SLC24A4: variants seen among roughly 807,000 people sequenced by gnomAD.
SLC24A4 encodes the protein solute carrier family 24 member 4.
Under a neutral mutation model 79.0 loss-of-function variants are expected in SLC24A4, and 53 were observed. The observed-to-expected ratio is 0.67, with a 90% confidence interval of 0.54 to 0.84. The LOEUF is 0.84. Ranked by LOEUF, SLC24A4 falls within the 40% of genes least tolerant of loss-of-function variation. The pLI is 0.00. For missense variants in SLC24A4, 731 were observed against 822.0 expected, an observed-to-expected ratio of 0.89 and a Z score of 1.35; for synonymous variants, 323 against 323.8, an observed-to-expected ratio of 1.00 and a Z score of 0.03.
chr14:92,456,633 T>C, intron 12 of SLC24A4, 25 bp downstream of exon 12: 1 of 1,607,100 alleles, frequency 6.2e-7, no homozygotes, highest in Non-Finnish European at 8.5e-7. Context: ...TACTGGACTC[T>C]CGGGCTACAT....
At chr14:92,388,611 A>G (rs1191103608) in intron 2 of SLC24A4, among the ~76,000 whole-genome samples, 1 of 152,080 alleles carries the variant, frequency 6.6e-6, no homozygotes, top group Non-Finnish European at 1.5e-5. Flanking sequence ...GTGCATTTGT[A>G]TAGTTGTGGG....
intron 2 of SLC24A4, among the ~76,000 whole-genome samples, chr14:92,427,535 C>T (rs890696431): frequency 2.0e-5 from 3 of 152,192 alleles, no homozygotes; most frequent in Admixed American, 6.5e-5. Context: ...CTGGGGACAC[C>T]AGTTACGGGT....
chr14:92,473,714 G>C (rs1235875149), intron 12 of SLC24A4, among the ~76,000 whole-genome samples: 4 of 152,164 alleles, frequency 2.6e-5, no homozygotes, highest in African/African-American at 9.7e-5. Flanking sequence ...CTCTGTCCCT[G>C]ATTCATCTCC....
At position 92,380,425 on chromosome 14, in the gene SLC24A4, G is replaced by GT. The variant is rs537321815; in HGVS notation, c.242-53482dup. 3.4e-3 allele frequency among the ~76,000 whole-genome samples: 511 copies of GT among 152,256 alleles called. 4 individuals are homozygous for GT. Among genetic ancestry groups the GT allele is most frequent in the Middle Eastern group, 0.017 (5 of 294 alleles). On this transcript the variant is annotated intron_variant, in intron 2 of 16. Coordinates refer to ENST00000532405, the MANE Select transcript of SLC24A4 (RefSeq NM_153646.4). ...GCAGGATCCTGCTTGAAAAAGGCCA[G>GT]TTTTTGCCCCCTTAGATCCATACTG...
chr14:92,438,771 T>G (rs1450770801), intron 3 of SLC24A4, among the ~76,000 whole-genome samples: 1 of 152,222 alleles, frequency 6.6e-6, no homozygotes, highest in Non-Finnish European at 1.5e-5. Context: ...CTTTAGGGTT[T>G]CTATGGAGGC....
intron 12 of SLC24A4, among the ~76,000 whole-genome samples, chr14:92,467,971 G>A (rs7154400): frequency 0.72 from 109,521 of 152,130 alleles, 39,788 homozygotes; most frequent in Non-Finnish European, 0.77. Flanking sequence ...CCAGATGAGA[G>A]AGGAAGCAGT....
At chr14:92,401,910 T>C (rs960300986) in intron 2 of SLC24A4, among the ~76,000 whole-genome samples, 3 of 152,136 alleles carry the variant, frequency 2.0e-5, no homozygotes, top group African/African-American at 7.2e-5. Flanking sequence ...AACCCACCAA[T>C]AGCAAAATTC....
rs112120101 is a variant in SLC24A4, at chr14:92,351,236, G to GCGCGCGCACACACACACACACACA, written c.241+25259_241+25260insGCGCGCACACACACACACACACAC. 5.4e-3 allele frequency among the ~76,000 whole-genome samples: 799 copies of GCGCGCGCACACACACACACACACA among 147,034 alleles called. 4 individuals carry two copies. Among genetic ancestry groups the GCGCGCGCACACACACACACACACA allele is most frequent in the Non-Finnish European group, 6.6e-3 (441 of 66,484 alleles). On this transcript the variant is annotated intron_variant, in intron 2 of 16. Coordinates refer to ENST00000532405, the MANE Select transcript of SLC24A4 (RefSeq NM_153646.4). Reference sequence around the variant, plus strand: ...CTCTCTTTCACACACACACATACACGCACACACACACACACACACACAAAA... The same window carrying GCGCGCGCACACACACACACACACA: ...CTCTCTTTCACACACACACATACACGCGCGCGCACACACACACACACACACACACACACACACACACACACAAAA...
At chr14:92,425,050 C>T (rs746794684) in intron 2 of SLC24A4, among the ~76,000 whole-genome samples, 7 of 152,162 alleles carry the variant, frequency 4.6e-5, no homozygotes, top group African/African-American at 1.2e-4. Context: ...ACATGAGATC[C>T]GGAGGGAACA....
chr14:92,484,472 A>G (rs947195061), intron 13 of SLC24A4: 3 of 985,334 alleles, frequency 3.0e-6, no homozygotes, highest in Non-Finnish European at 3.6e-6. Flanking sequence ...GAAGCTCAGG[A>G]CGGACTCTGT....
chr14:92,372,962 T>C (rs1363673306), intron 2 of SLC24A4, among the ~76,000 whole-genome samples: 2 of 143,562 alleles, frequency 1.4e-5, no homozygotes, highest in Admixed American at 7.0e-5. Flanking sequence ...TCTCTCCCTC[T>C]CTCTCTCTCC....
intron 2 of SLC24A4, among the ~76,000 whole-genome samples, chr14:92,433,338 C>T (rs1457925374): frequency 6.6e-6 from 1 of 152,204 alleles, no homozygotes; most frequent in Non-Finnish European, 1.5e-5. Flanking sequence ...AGGAATGATA[C>T]TCAAACCCCA....
At position 92,490,267 on chromosome 14, in the gene SLC24A4, G is replaced by A. The variant is rs1383898716; in HGVS notation, c.1538-1398G>A. Among the ~76,000 whole-genome samples the A allele has an allele frequency of 6.6e-6, 1 of 152,242 alleles. No individual in the cohort carries two copies. Among genetic ancestry groups the A allele is most frequent in the Non-Finnish European group, 1.5e-5 (1 of 68,044 alleles). ...ATGTGTGCCAGGTTAGGACAGTGGT[G>A]TGGAAGTATGGCTCAGTGGCCGGGT... On this transcript the variant is annotated intron_variant, in intron 14 of 16. Coordinates refer to ENST00000532405, the MANE Select transcript of SLC24A4 (RefSeq NM_153646.4). The surrounding 1 kb of genome is among the most constrained non-coding windows in gnomAD (Gnocchi z 4.3).
At chr14:92,446,603 C>T (rs576424794) in intron 8 of SLC24A4, among the ~76,000 whole-genome samples, 4 of 152,312 alleles carry the variant, frequency 2.6e-5, no homozygotes, top group South Asian at 2.1e-4. Flanking sequence ...GTTTCATTTT[C>T]GTCATCTGTA....
Position 92,408,166 on chromosome 14 carries a change from AGTGTGT to A in SLC24A4, c.242-25715_242-25710del, listed in dbSNP as rs143375295. 5.6e-3 allele frequency among the ~76,000 whole-genome samples: 773 copies of A among 136,896 alleles called. 8 individuals are homozygous for A. The highest frequency in any genetic ancestry group is 0.018 in the African/African-American group (659 of 37,290). 89.8% of individuals were successfully genotyped at this position (136,896 alleles called of 152,430 possible). ...TTATATGTATGCTTGTTGCTACAGC[AGTGTGT>A]GTGTGTGTGTGTGTGTGTGTGTGTG... On this transcript the variant is annotated intron_variant, in intron 2 of 16. Coordinates refer to ENST00000532405, the MANE Select transcript of SLC24A4 (RefSeq NM_153646.4).
chr14:92,468,892 CTGTGTGTGTGTGTGTGTGTGTGTGTG>C (rs57575129), intron 12 of SLC24A4, among the ~76,000 whole-genome samples: 34 of 81,480 alleles, frequency 4.2e-4, no homozygotes, highest in Non-Finnish European at 1.0e-3. Context: ...AATCATGTAT[CTGTGTGTGTGTGTGTGTGTGTGTGTG>C]TGTGTGTGTG....
rs140281482 is a variant in SLC24A4 at position 92,357,949 on chromosome 14, A to G, written c.241+31971A>G. ...GACTGCCTTTGGTGGGATGAAAAAG[A>G]TGGAAGTCTTGCAGACAGAACTCCT... On this transcript the variant is annotated intron_variant, in intron 2 of 16. Transcript: ENST00000532405. 1.3e-3 allele frequency among the ~76,000 whole-genome samples: 199 copies of G among 152,372 alleles called. 1 individual carries two copies. The highest frequency in any genetic ancestry group is 6.0e-3 in the South Asian group (29 of 4,832).
intron 2 of SLC24A4, among the ~76,000 whole-genome samples, chr14:92,428,967 A>G (rs1412734736): frequency 6.6e-6 from 1 of 152,212 alleles, no homozygotes; most frequent in East Asian, 1.9e-4. Flanking sequence ...GGTGCTCTGG[A>G]AAAGGCAAAT....
chr14:92,439,480 A>G, intron 4 of SLC24A4, 71 bp downstream of exon 4: 1 of 1,389,706 alleles, frequency 7.2e-7, no homozygotes. Flanking sequence ...CCAAGCCAAG[A>G]AGGCCAGGGC....
Sources: allele counts gnomAD v4.1 joint callset (sites outside exome capture counted in the v4.1 genomes callset), GRCh38; gene constraint gnomAD v4.1.1; non-coding constraint Gnocchi (gnomAD v3.1); transcripts MANE v1.5; gene names NCBI Gene and HGNC (gene_info 2026-07-23, HGNC 2026-07-21).